CCZ1: variants seen among roughly 807,000 people sequenced by gnomAD.
The protein encoded by CCZ1 is CCZ1 vacuolar protein trafficking and biogenesis associated.
In CCZ1, 19 loss-of-function variants were observed where a neutral mutation model predicts 57.8. That is an observed-to-expected ratio of 0.33 (90% CI 0.23 to 0.48). The LOEUF is 0.48. Among genes scored for constraint, CCZ1 ranks in the 20% least tolerant of loss-of-function variants. The pLI, the probability that CCZ1 is intolerant of heterozygous loss-of-function variation, is 0.99. For synonymous variants in CCZ1, 81 were observed against 167.0 expected (o/e 0.49, Z 3.97); for missense variants, 200 against 492.0 (o/e 0.41, Z 5.61).
chr7:5,907,821 G>C (rs867612658), intron 7 of CCZ1, among the ~76,000 whole-genome samples: 16 of 20,316 alleles, frequency 7.9e-4, no homozygotes, highest in Middle Eastern at 0.071. Flanking sequence ...AGCAAAACAG[G>C]CGCCAATGCT....
At chr7:5,903,916 AC>A (rs1781741578) in intron 6 of CCZ1, among the ~76,000 whole-genome samples, 1 of 138,188 alleles carries the variant, frequency 7.2e-6, no homozygotes, top group African/African-American at 2.8e-5. Context: ...AATCGCTTGA[AC>A]CCCGGAGGCG....
In CCZ1 at chr7:5,900,951, T is replaced by C; in HGVS notation, c.390+19T>C. On this transcript the variant is annotated intron_variant, in intron 4 of 14. Transcript: ENST00000325974. Reference sequence around the variant, plus strand: ...GTTGTTGGTAATGTGTCATTGTTTGTTTATTTATTTATTTTTTTAAATGTA... The same window carrying C: ...GTTGTTGGTAATGTGTCATTGTTTGCTTATTTATTTATTTTTTTAAATGTA... The C allele has an allele frequency of 1.6e-6, 2 of 1,282,144 alleles. No homozygotes were observed. Among genetic ancestry groups the C allele is most frequent in the South Asian group, 1.5e-5 (1 of 66,930 alleles). The allele number at this position is 1,282,144 out of a possible 1,614,324, so 79.4% of individuals were successfully genotyped here. A position where few individuals can be genotyped will look rare whatever the true frequency, so the allele number is the denominator to read the frequency against.
chr7:5,921,004 T>A lies in CCZ1; in HGVS notation c.1106+1038T>A, dbSNP rs1165067561. Among the ~76,000 whole-genome samples, 38 of 94,892 alleles carry A rather than the reference T, an allele frequency of 4.0e-4. 5 individuals carry two copies. The highest frequency in any genetic ancestry group is 6.1e-4 in the South Asian group (2 of 3,290). The allele number at this position is 94,892 out of a possible 152,430, so 62.3% of individuals were successfully genotyped here. On this transcript the variant is annotated intron_variant, in intron 12 of 14. Coordinates refer to ENST00000325974, the MANE Select transcript of CCZ1 (RefSeq NM_015622.6). ...AGTCTCAGTTGCCCAGGCTGGAGTG[T>A]GCAATGGTCTGTTCTCAGCTCACTG...
At chr7:5,906,993 G>A (rs1348570719) in intron 7 of CCZ1, among the ~76,000 whole-genome samples, 6 of 146,738 alleles carry the variant, frequency 4.1e-5, no homozygotes, top group East Asian at 2.4e-4. Context: ...TCAGCCTCCC[G>A]AGTAGCTGGG....
intron 8 of CCZ1, 36 bp from the exon 9 acceptor site, chr7:5,911,825 C>T: frequency 7.0e-7 from 1 of 1,432,196 alleles, no homozygotes; most frequent in Non-Finnish European, 9.5e-7. Context: ...AATAAAAAGT[C>T]TGATAAGTCA....
intron 10 of CCZ1, among the ~76,000 whole-genome samples, chr7:5,914,967 C>T (rs947799724): frequency 6.8e-5 from 10 of 146,162 alleles, no homozygotes; most frequent in African/African-American, 2.3e-4. Flanking sequence ...GGTCATCCGT[C>T]AGCAGAATAA....
intron 8 of CCZ1, 49 bp from the exon 9 acceptor site, chr7:5,911,812 A>G (rs1779045902): frequency 7.5e-7 from 1 of 1,324,920 alleles, no homozygotes; most frequent in Non-Finnish European, 1.0e-6. Flanking sequence ...AGCTTGGAAA[A>G]TAAATAAAAA....
chr7:5,926,304 G>GT lies in CCZ1; in HGVS notation c.*618dup, dbSNP rs1196016293. On this transcript the variant is annotated 3_prime_UTR_variant, in exon 15 of 15. Transcript: ENST00000325974. Reference sequence around the variant, plus strand: ...TGTGACGAGTTCAGTGCTAAGAACTGTAATGCTCAGGAAATCTTACAGCAC... The same window carrying GT: ...TGTGACGAGTTCAGTGCTAAGAACTGTTAATGCTCAGGAAATCTTACAGCAC... The GT allele has an allele frequency of 1.1e-6, 1 of 890,908 alleles. No homozygotes were observed. Among genetic ancestry groups the GT allele is most frequent in the African/African-American group, 1.8e-5 (1 of 56,712 alleles). 55.2% of individuals were successfully genotyped at this position (890,908 alleles called of 1,614,324 possible).
At chr7:5,908,982 TGTG>T in intron 7 of CCZ1, among the ~76,000 whole-genome samples, 1 of 147,516 alleles carries the variant, frequency 6.8e-6, no homozygotes, top group East Asian at 2.2e-4. Context: ...GGGGAGAGAA[TGTG>T]GCATTACCAT....
chr7:5,911,906 C>G lies in CCZ1; in HGVS notation c.826C>G (p.Leu276Val), dbSNP rs1396368392. Residue 276 changes from leucine (L) to valine (V), a missense_variant, in exon 9 of 15, where the codon CTT becomes GTT. Around this residue, in one of 5 missense-constraint regions of CCZ1, gnomAD observed 128 missense variants for 178.4 expected, o/e 0.72. Coordinates refer to ENST00000325974, the MANE Select transcript of CCZ1 (RefSeq NM_015622.6). Reference sequence around the variant, plus strand: ...AATAAGAGCAGAAATGCCAGGAAATCTTCAACACTATGGAAGGTAGGACTT... The same window carrying G: ...AATAAGAGCAGAAATGCCAGGAAATGTTCAACACTATGGAAGGTAGGACTT... The part of the protein sequence containing the change: ...SPIRAEMPGN[L>V]QHYGRFLTGP... 6.3e-7 allele frequency: 1 copy of G among 1,587,508 alleles called. No individual in the cohort carries two copies. Among genetic ancestry groups the G allele is most frequent in the South Asian group, 1.1e-5 (1 of 88,280 alleles).
chr7:5,920,954 T>TG (rs1479025134), intron 12 of CCZ1, among the ~76,000 whole-genome samples: 41 of 87,266 alleles, frequency 4.7e-4, no homozygotes, highest in African/African-American at 2.0e-3. Flanking sequence ...TTTTTGGGTT[T>TG]TTTTTTTTTT....
chr7:5,925,422 A>C (rs1324345996), intron 14 of CCZ1: 3 of 501,180 alleles, frequency 6.0e-6, no homozygotes, highest in Middle Eastern at 5.5e-4. Context: ...AGCCAAGATC[A>C]CACCACTACA....
chr7:5,905,072 T>C lies in CCZ1; in HGVS notation c.523-22T>C, dbSNP rs757087204. 3.1e-6 allele frequency: 5 copies of C among 1,598,444 alleles called. No homozygotes were observed. In the South Asian group the frequency reaches 4.5e-5, roughly 14 times the overall value. ...TTCAGTGTACTATTAGTAAATTTTA[T>C]GCCTTATTTTTTTTCCCACAGTATT... is the stretch of plus-strand genomic sequence containing the variant. On this transcript the variant is annotated intron_variant, in intron 6 of 14. Coordinates refer to ENST00000325974, the MANE Select transcript of CCZ1 (RefSeq NM_015622.6).
intron 12 of CCZ1, among the ~76,000 whole-genome samples, chr7:5,920,892 A>G (rs1779228902): frequency 8.2e-6 from 1 of 122,424 alleles, no homozygotes; most frequent in African/African-American, 3.2e-5. Flanking sequence ...AGAAGTTACT[A>G]AAAGGCTGTG....
Position 5,900,761 on chromosome 7 carries a change from T to C in CCZ1, c.313-94T>C. 5 of 1,583,880 alleles carry C rather than the reference T, an allele frequency of 3.2e-6. No individual in the cohort carries two copies. In the South Asian group the frequency reaches 5.9e-5, roughly 19 times the overall value. The stretch of plus-strand genomic sequence containing the variant: ...GGGCTGTTTTAAGAAGCTATGTTTC[T>C]GATGCTGTAGCATGTTCAAAGTTTT... On this transcript the variant is annotated intron_variant, in intron 3 of 14. Coordinates refer to ENST00000325974, the MANE Select transcript of CCZ1 (RefSeq NM_015622.6).
Position 5,912,377 on chromosome 7 carries a change from C to CT in CCZ1, c.843-433dup, listed in dbSNP as rs4036238. Among the ~76,000 whole-genome samples, 312 of 54,704 alleles carry CT rather than the reference C, an allele frequency of 5.7e-3. 73 individuals are homozygous for CT. The highest frequency in any genetic ancestry group is 8.6e-3 in the Non-Finnish European group (267 of 31,056). The allele number at this position is 54,704 out of a possible 152,430, so 35.9% of individuals were successfully genotyped here. A position where few individuals can be genotyped will look rare whatever the true frequency, so the allele number is the denominator to read the frequency against. ...GAGTTAAAACTTACTTCAGCATACC[C>CT]TTTTTTTTTTTTTTTTTTTTTTTTT... is the stretch of plus-strand genomic sequence containing the variant. On this transcript the variant is annotated intron_variant, in intron 9 of 14. Transcript: ENST00000325974.
Position 5,923,904 on chromosome 7 carries a change from T to G in CCZ1, c.1335T>G (p.Asp445Glu), listed in dbSNP as rs1277862277. 6.7e-7 allele frequency: 1 copy of G among 1,489,592 alleles called. No individual in the cohort carries two copies. The highest frequency in any genetic ancestry group is 9.3e-7 in the Non-Finnish European group (1 of 1,075,422). 92.3% of individuals were successfully genotyped at this position (1,489,592 alleles called of 1,614,324 possible). ...ACTGGGTTGTTGGAAAGAAGTCTGA[T>G]CGGCGGGAGCTCTATGTTATTTTGA... ...SDYWVVGKKS[D>E]RRELYVILNQ... is the part of the protein sequence containing the mutation. Residue 445 changes from aspartate to glutamate, a missense_variant, in exon 14 of 15, where the codon GAT becomes GAG. Asp to Glu is a conservative substitution (Grantham distance 45, BLOSUM62 2). Coordinates refer to ENST00000325974, the MANE Select transcript of CCZ1 (RefSeq NM_015622.6).
intron 7 of CCZ1, among the ~76,000 whole-genome samples, chr7:5,907,089 G>A (rs1302780112): frequency 2.0e-5 from 3 of 149,350 alleles, no homozygotes; most frequent in Admixed American, 6.6e-5. Flanking sequence ...TCGAACTCCT[G>A]ACCTCAAAGG....
At chr7:5,905,901 C>A (rs1210285123) in intron 7 of CCZ1, among the ~76,000 whole-genome samples, 3 of 44,800 alleles carry the variant, frequency 6.7e-5, no homozygotes, top group South Asian at 1.6e-3. Flanking sequence ...AATTTTTATA[C>A]CTTTTTTTTT....
Sources: gnomAD v4.1 joint callset for allele counts (sites outside exome capture counted in the v4.1 genomes callset) on GRCh38, gnomAD v4.1.1 for gene constraint, gnomAD v4.1.1 regional missense constraint, MANE v1.5 for transcripts, NCBI Gene and HGNC (gene_info 2026-07-23, HGNC 2026-07-21) for gene names.